The following PRDM10 variants were observed in gnomAD, a reference collection of about 807,000 sequenced individuals.
PRDM10 encodes the protein PR domain zinc finger protein 10.
A neutral mutation model predicts 133.1 loss-of-function variants in PRDM10; 65 were observed. The ratio of observed to expected loss-of-function variants is 0.49; its 90% CI spans 0.40 to 0.60. PRDM10 has a LOEUF of 0.60. Among genes scored for constraint, PRDM10 ranks in the 20% least tolerant of loss-of-function variants. The pLI, the probability that PRDM10 is intolerant of heterozygous loss-of-function variation, is 0.00. For synonymous variants in PRDM10, 582 were observed against 580.4 expected, an observed-to-expected ratio of 1.00 and a Z score of -0.04; for missense variants, 1,137 against 1,507.1, an observed-to-expected ratio of 0.75 and a Z score of 4.07.
In PRDM10 at chr11:129,924,920, A is replaced by G; in HGVS notation, c.1840T>C (p.Cys614Arg). The change falls in exon 12 of 21, where the codon TGC becomes CGC. Residue 614 changes from cysteine (C) to arginine (R), a missense_variant. This residue lies in a region of PRDM10 where 635 missense variants were observed against 835.2 expected (regional missense o/e 0.76). Coordinates refer to ENST00000360871, the MANE Select transcript of PRDM10 (RefSeq NM_199437.2). ...GGGAACCGTTTCTTACAAGTTGGGC[A>G]GGTGAAGTAGCCATCATTGATATGA... Reference protein sequence around the residue: ...AIHINDGYFTCPTCKKRFPDF... With the variant: ...AIHINDGYFTRPTCKKRFPDF... The G allele has an allele frequency of 1.2e-6, 2 of 1,612,878 alleles. No homozygotes were observed. The highest frequency in any genetic ancestry group is 1.7e-6 in the Non-Finnish European group (2 of 1,179,450).
chr11:129,970,408 C>T (rs1441159873), intron 1 of PRDM10, among the ~76,000 whole-genome samples: 1 of 152,166 alleles, frequency 6.6e-6, no homozygotes, highest in East Asian at 1.9e-4. Context: ...GTAACCTGGG[C>T]ACGAGGCCGC....
chr11:129,968,665 C>T (rs1168421913), intron 1 of PRDM10, among the ~76,000 whole-genome samples: 2 of 151,860 alleles, frequency 1.3e-5, no homozygotes, highest in African/African-American at 4.8e-5. Flanking sequence ...CAGCTAAAGC[C>T]AACATCCAGA....
chr11:129,984,330 C>T (rs190296060), intron 1 of PRDM10, among the ~76,000 whole-genome samples: 31 of 152,330 alleles, frequency 2.0e-4, no homozygotes, highest in African/African-American at 7.2e-4. Context: ...GTGTACTTTT[C>T]TAGACTTATA....
chr11:129,929,394 C>T (rs1365474357), intron 11 of PRDM10: 2 of 1,566,748 alleles, frequency 1.3e-6, no homozygotes, highest in African/African-American at 2.7e-5. Flanking sequence ...ATGTGAAACA[C>T]AGGAAACAAA....
At chr11:129,998,305 T>C (rs958396405) in intron 1 of PRDM10, among the ~76,000 whole-genome samples, 1 of 152,100 alleles carries the variant, frequency 6.6e-6, no homozygotes. Flanking sequence ...GGGATCTGAT[T>C]TCTAGAAATC....
In PRDM10 at chr11:129,932,175, G is replaced by C; in HGVS notation, c.1214C>G (p.Pro405Arg). The C allele has an allele frequency of 6.2e-7, 1 of 1,614,098 alleles. No homozygotes were observed. Residue 405 changes from proline to arginine, a missense_variant, in exon 10 of 21, where the codon CCG becomes CGG. Pro to Arg is a moderately radical substitution (Grantham distance 103). Coordinates refer to ENST00000360871, the MANE Select transcript of PRDM10 (RefSeq NM_199437.2). ...GKRRFGPGRR[P>R]GRPPKFIRLE... ...GCGGATAAATTTTGGAGGACGCCCC[G>C]GCCGTCGACCTGGACCGAATCGCCT...
intron 13 of PRDM10, among the ~76,000 whole-genome samples, chr11:129,922,165 G>A (rs1004210729): frequency 6.6e-6 from 1 of 152,214 alleles, no homozygotes; most frequent in African/African-American, 2.4e-5. Flanking sequence ...ATTGAACTGT[G>A]GTTGAATATA....
At chr11:129,949,146 C>T (rs1045842773) in intron 4 of PRDM10, among the ~76,000 whole-genome samples, 2 of 152,184 alleles carry the variant, frequency 1.3e-5, no homozygotes, top group Admixed American at 6.5e-5. Context: ...GATGAGTATG[C>T]GTTTTCACAT....
chr11:129,905,449 C>T (rs1949985140), intron 20 of PRDM10, among the ~76,000 whole-genome samples, 189 bp downstream of exon 20: 1 of 150,988 alleles, frequency 6.6e-6, no homozygotes, highest in Non-Finnish European at 1.5e-5. Flanking sequence ...TGAGCATTTG[C>T]TATATCCTAG....
intron 5 of PRDM10, among the ~76,000 whole-genome samples, chr11:129,946,890 G>A (rs533920817): frequency 2.6e-5 from 4 of 152,230 alleles, no homozygotes; most frequent in East Asian, 3.9e-4. Context: ...ATGCCCCTTC[G>A]TCCCTGTGTG....
chr11:129,957,110 C>A (rs905810841), intron 3 of PRDM10, among the ~76,000 whole-genome samples: 1 of 152,126 alleles, frequency 6.6e-6, no homozygotes, highest in African/African-American at 2.4e-5. Context: ...TTAGCAGGAC[C>A]CTTTCTTACA....
At position 129,957,776 on chromosome 11, in the gene PRDM10, C is replaced by A; in HGVS notation, c.204G>T (p.Leu68=). 1.2e-6 allele frequency: 2 copies of A among 1,613,702 alleles called. No homozygotes were observed. Among genetic ancestry groups the A allele is most frequent in the Admixed American group, 1.7e-5 (1 of 59,994 alleles). ...CAGCTTCCACCGGGTGGATGTACAC[C>A]AGCGTGTGCTCTGGACCATCCACTG... The part of the protein sequence containing the change: ...YTSVDGPEHT[L]VYIHPVEAAQ... The change falls in exon 3 of 21, where the codon CTG becomes CTT. Residue 68 remains leucine (L), a synonymous_variant. Transcript: ENST00000360871.
At chr11:129,969,613 GTGAAA>G (rs1313471096) in intron 1 of PRDM10, among the ~76,000 whole-genome samples, 3 of 148,752 alleles carry the variant, frequency 2.0e-5, no homozygotes, top group African/African-American at 7.5e-5. Context: ...GGCCAACATA[GTGAAA>G]CCCCATCTCT....
chr11:129,958,759 A>G (rs1431468362), intron 2 of PRDM10, among the ~76,000 whole-genome samples: 3 of 152,080 alleles, frequency 2.0e-5, no homozygotes, highest in African/African-American at 7.2e-5. Flanking sequence ...ATGGAATAGA[A>G]CTCTTCCTTG....
rs184806485 is a variant in PRDM10, at chr11:129,938,098, T to C, written c.967-428A>G. 3.8e-3 allele frequency among the ~76,000 whole-genome samples: 572 copies of C among 152,218 alleles called. 6 individuals are homozygous for C. Among genetic ancestry groups the C allele is most frequent in the African/African-American group, 0.013 (547 of 41,542 alleles). On this transcript the variant is annotated intron_variant, in intron 7 of 20. Transcript: ENST00000360871. ...CACCTTCTCCCGCCCACCCACTGGC[T>C]ACTTCTGCTCACTCTGTTGGCCTCT... is the stretch of plus-strand genomic sequence containing the variant.
chr11:129,938,762 G>A (rs1283629974), intron 7 of PRDM10, among the ~76,000 whole-genome samples: 1 of 152,152 alleles, frequency 6.6e-6, no homozygotes, highest in East Asian at 1.9e-4. Flanking sequence ...TGTCATGCAG[G>A]CAACGGCTTC....
At chr11:129,958,349 A>T (rs1951735593) in intron 2 of PRDM10, among the ~76,000 whole-genome samples, 3 of 152,146 alleles carry the variant, frequency 2.0e-5, no homozygotes, top group Admixed American at 6.5e-5. Flanking sequence ...CATTAAAATA[A>T]GGTCACTTTT....
At chr11:129,926,683 C>G (rs1429723990) in intron 11 of PRDM10, among the ~76,000 whole-genome samples, 6 of 152,210 alleles carry the variant, frequency 3.9e-5, no homozygotes, top group Non-Finnish European at 8.8e-5. Context: ...TACCTACTCA[C>G]TTATCTTGAG....
At chr11:129,960,539 A>G (rs1291610476) in intron 2 of PRDM10, among the ~76,000 whole-genome samples, 9 of 152,264 alleles carry the variant, frequency 5.9e-5, no homozygotes, top group African/African-American at 2.2e-4. Flanking sequence ...ACATACCTGT[A>G]CTCATTACAC....
Sources: gnomAD v4.1 joint callset for allele counts (sites outside exome capture counted in the v4.1 genomes callset) on GRCh38, gnomAD v4.1.1 for gene constraint, gnomAD v4.1.1 regional missense constraint, MANE v1.5 for transcripts, NCBI Gene and HGNC (gene_info 2026-07-23, HGNC 2026-07-21) for gene names.